NAV1: variants seen among roughly 807,000 people sequenced by gnomAD.
NAV1 encodes the protein pore membrane and/or filament interacting like protein 3.
A neutral mutation model predicts 175.2 loss-of-function variants in NAV1; 18 were observed. The observed-to-expected ratio is 0.10, with a 90% CI of 0.07 to 0.15. The LOEUF is 0.15. Among genes scored for constraint, NAV1 ranks in the 10% least tolerant of loss-of-function variants. The pLI, the probability that NAV1 is intolerant of heterozygous loss-of-function variation, is 1.00. For missense variants in NAV1, 1,731 were observed against 2,436.6 expected (o/e 0.71, Z 6.10); for synonymous variants, 897 against 978.7 (o/e 0.92, Z 1.56).
At chr1:201,680,995 G>A (rs11802249) in intron 1 of NAV1, among the ~76,000 whole-genome samples, 2,324 of 151,948 alleles carry the variant, frequency 0.015, 61 homozygotes, top group African/African-American at 0.053. Flanking sequence ...ATTGTCTTTC[G>A]TCCCCAGCCA....
chr1:201,637,819 G>C (rs1012552307), intron 2 of NAV1, among the ~76,000 whole-genome samples: 47 of 152,282 alleles, frequency 3.1e-4, no homozygotes, highest in African/African-American at 1.0e-3. Context: ...CAACTGATCT[G>C]GGTGGGTCAT....
At chr1:201,759,176 T>A (rs184297376) in intron 3 of NAV1, among the ~76,000 whole-genome samples, 1 of 152,318 alleles carries the variant, frequency 6.6e-6, no homozygotes, top group East Asian at 1.9e-4. Flanking sequence ...ATCTGGCAGC[T>A]CCACTAGAAG....
intron 1 of NAV1, among the ~76,000 whole-genome samples, chr1:201,703,743 T>A (rs1571895385): frequency 6.6e-6 from 1 of 152,222 alleles, no homozygotes; most frequent in African/African-American, 2.4e-5. Flanking sequence ...TGACAGGCTG[T>A]GGCCTGAACT....
At chr1:201,801,328 G>A (rs1443018790) in intron 15 of NAV1, among the ~76,000 whole-genome samples, 1 of 152,136 alleles carries the variant, frequency 6.6e-6, no homozygotes. Context: ...CATAGTGAGA[G>A]TGAGAAAAAT....
chr1:201,720,324 A>G (rs1366008948), intron 3 of NAV1, among the ~76,000 whole-genome samples: 2 of 152,192 alleles, frequency 1.3e-5, no homozygotes, highest in Admixed American at 6.5e-5. Flanking sequence ...AAAGTCCCCC[A>G]TGTGTTAGAA....
chr1:201,565,530 G>A (rs933223460), intron 1 of NAV1, among the ~76,000 whole-genome samples: 25 of 152,358 alleles, frequency 1.6e-4, no homozygotes, highest in African/African-American at 6.0e-4. Flanking sequence ...TCCCAGGGAC[G>A]TGGTATTCAC....
At chr1:201,789,785 A>G in exon 11 of NAV1, 1 of 1,612,626 alleles carries the variant, frequency 6.2e-7, no homozygotes, top group Non-Finnish European at 8.5e-7. Context: ...TCCTCCACCT[A>G]CTCCTCAGTA....
chr1:201,569,958 G>A (rs1020341061), intron 1 of NAV1, among the ~76,000 whole-genome samples: 42 of 152,304 alleles, frequency 2.8e-4, no homozygotes, highest in African/African-American at 8.7e-4. Flanking sequence ...GACAACACCT[G>A]CCCTGTCCAG....
chr1:201,687,108 A>T (rs955356486), intron 1 of NAV1, among the ~76,000 whole-genome samples: 2 of 152,228 alleles, frequency 1.3e-5, no homozygotes, highest in Non-Finnish European at 2.9e-5. Flanking sequence ...TCCTTTGCCA[A>T]TATATACAGT....
intron 1 of NAV1, among the ~76,000 whole-genome samples, chr1:201,683,386 G>A (rs1268927720): frequency 2.0e-5 from 3 of 152,128 alleles, no homozygotes; most frequent in Non-Finnish European, 2.9e-5. Context: ...CACGGACAGG[G>A]GTTGGGGGAT....
intron 3 of NAV1, among the ~76,000 whole-genome samples, chr1:201,754,715 G>A (rs181547748): frequency 6.6e-6 from 1 of 152,196 alleles, no homozygotes; most frequent in Non-Finnish European, 1.5e-5. Context: ...TGCTCTATCT[G>A]CTTTTACCTT....
intron 3 of NAV1, among the ~76,000 whole-genome samples, chr1:201,762,676 A>C (rs142825442): frequency 1.3e-5 from 2 of 152,358 alleles, no homozygotes; most frequent in East Asian, 3.9e-4. Flanking sequence ...AATATTTACT[A>C]TCTGGCCAAC....
intron 1 of NAV1, among the ~76,000 whole-genome samples, chr1:201,650,878 C>T (rs1669176520): frequency 6.6e-6 from 1 of 152,116 alleles, no homozygotes; most frequent in Non-Finnish European, 1.5e-5. Context: ...TGGGTGGGTG[C>T]GGAAGCTGAC....
At chr1:201,760,543 A>C (rs561390382) in intron 3 of NAV1, among the ~76,000 whole-genome samples, 1 of 152,196 alleles carries the variant, frequency 6.6e-6, no homozygotes, top group Non-Finnish European at 1.5e-5. Context: ...TTAGAGTAAC[A>C]TTCTTCATCC....
intron 1 of NAV1, among the ~76,000 whole-genome samples, chr1:201,680,881 T>C (rs1670439559): frequency 6.6e-6 from 1 of 152,200 alleles, no homozygotes; most frequent in Non-Finnish European, 1.5e-5. Context: ...CCAGCTGTGA[T>C]CGCAACGCCA....
chr1:201,781,038 A>T (rs1374097689), exon 5 of NAV1: 9 of 1,613,328 alleles, frequency 5.6e-6, no homozygotes, highest in Non-Finnish European at 7.6e-6. Context: ...AGAAGCGCTC[A>T]CTGGCAGAAA....
At chr1:201,800,753 T>A (rs767548602) in intron 15 of NAV1, among the ~76,000 whole-genome samples, 7 of 150,980 alleles carry the variant, frequency 4.6e-5, no homozygotes, top group African/African-American at 1.5e-4. Context: ...CAAACAAACA[T>A]ATATGGATAC....
intron 1 of NAV1, among the ~76,000 whole-genome samples, chr1:201,707,743 A>G (rs1260749869): frequency 6.6e-6 from 1 of 152,124 alleles, no homozygotes; most frequent in Non-Finnish European, 1.5e-5. Flanking sequence ...TCCTCTAGCA[A>G]CGTTTTAGTC....
intron 1 of NAV1, among the ~76,000 whole-genome samples, chr1:201,568,310 A>C (rs1450075662): frequency 1.3e-5 from 2 of 152,096 alleles, no homozygotes; most frequent in Non-Finnish European, 2.9e-5. Flanking sequence ...CCAATCCCAG[A>C]ATCCTGGAAC....
Sources: gnomAD v4.1 joint callset for allele counts (sites outside exome capture counted in the v4.1 genomes callset) on GRCh38, gnomAD v4.1.1 for gene constraint, MANE v1.5 for transcripts, NCBI Gene and HGNC (gene_info 2026-07-23, HGNC 2026-07-21) for gene names.